Variants in NAV1 observed in about 807,000 individuals in gnomAD.
The protein encoded by NAV1 is neuron navigator 1.
A neutral mutation model predicts 175.2 loss-of-function variants in NAV1; 18 were observed. That is an observed-to-expected ratio of 0.10 (90% confidence interval 0.07 to 0.15). The LOEUF (loss-of-function observed/expected upper bound fraction) is 0.15. Among genes scored for constraint, NAV1 ranks in the 10% least tolerant of loss-of-function variants. NAV1 has a pLI of 1.00. For missense variants in NAV1, 1,731 were observed against 2,436.6 expected, an observed-to-expected ratio of 0.71 and a Z score of 6.10; for synonymous variants, 897 against 978.7, an observed-to-expected ratio of 0.92 and a Z score of 1.56.
At chr1:201,644,759 C>T (rs1025850540), upstream of NAV1, among the ~76,000 whole-genome samples, 10 of 152,124 alleles carry the variant, frequency 6.6e-5, no homozygotes, top group African/African-American at 2.2e-4. Flanking sequence ...TCAAAAGAAG[C>T]AGAATTTCAG....
chr1:201,647,430 A>C (rs1669010513), upstream of NAV1, among the ~76,000 whole-genome samples: 1 of 152,222 alleles, frequency 6.6e-6, no homozygotes, highest in South Asian at 2.1e-4. Flanking sequence ...ACAGGCCTTT[A>C]CAGTTCCAAA....
At chr1:201,641,546 G>C (rs1388780319) in intron 2 of NAV1, among the ~76,000 whole-genome samples, 7 of 152,322 alleles carry the variant, frequency 4.6e-5, no homozygotes, top group Admixed American at 4.6e-4. Flanking sequence ...TGACATGGTG[G>C]AGAAAAGGAC....
exon 1 of NAV1, chr1:201,648,386 C>A (rs1300796360): frequency 1.6e-6 from 2 of 1,227,776 alleles, no homozygotes; most frequent in Non-Finnish European, 2.0e-6. Flanking sequence ...TTTTCCCCGC[C>A]GCCCCGCCCC....
intron 1 of NAV1, among the ~76,000 whole-genome samples, chr1:201,565,657 A>G (rs1042469335): frequency 1.3e-5 from 2 of 152,230 alleles, no homozygotes; most frequent in Admixed American, 6.5e-5. Context: ...GTGAGGCAGT[A>G]TCGCTATTTG....
rs756601001 is a variant in NAV1 at position 201,694,146 on chromosome 1, G to A, written c.758-18671G>A. ...TTGGCCCGCTGTTCCCATGGCAACC[G>A]CCAGTCAGTGCTGAGCAAAGGAGGG... is the stretch of plus-strand genomic sequence containing the variant. On this transcript the variant is annotated intron_variant, in intron 1 of 29. Transcript: ENST00000367296. The surrounding 1 kb of genome is among the most constrained non-coding windows in gnomAD (Gnocchi z 4.2). Among the ~76,000 whole-genome samples, 3 of 152,206 alleles carry A rather than the reference G, an allele frequency of 2.0e-5. No individual in the cohort carries two copies. Among genetic ancestry groups the A allele is most frequent in the Admixed American group, 6.5e-5 (1 of 15,286 alleles).
upstream of NAV1, among the ~76,000 whole-genome samples, chr1:201,645,871 G>T (rs73084586): frequency 3.6e-3 from 549 of 152,326 alleles, 2 homozygotes; most frequent in African/African-American, 0.012. Flanking sequence ...TTTAGGAAAG[G>T]TGTGGTTCTC....
At chr1:201,689,816 A>T (rs1340681128) in intron 1 of NAV1, among the ~76,000 whole-genome samples, 1 of 152,182 alleles carries the variant, frequency 6.6e-6, no homozygotes, top group African/African-American at 2.4e-5. Flanking sequence ...AAGCTCTCCT[A>T]GGGGCCTCAG....
At chr1:201,583,324 C>T (rs920105803) in intron 1 of NAV1, among the ~76,000 whole-genome samples, 1 of 152,272 alleles carries the variant, frequency 6.6e-6, no homozygotes, top group African/African-American at 2.4e-5. Context: ...CCCTGTACCC[C>T]AGCTGTGTTA....
At chr1:201,679,509 A>C (rs1670384205) in intron 1 of NAV1, among the ~76,000 whole-genome samples, 1 of 152,160 alleles carries the variant, frequency 6.6e-6, no homozygotes, top group Non-Finnish European at 1.5e-5. Flanking sequence ...CCAGTTATTG[A>C]AATGTATGGT....
In NAV1 at chr1:201,609,853, G is replaced by T. The variant is rs598229; in HGVS notation, c.-32-13000G>T. On this transcript the variant is annotated intron_variant, in intron 2 of 33. Coordinates refer to the NAV1 transcript ENST00000685211. ...GCCTGGAGGAAAGTGTATATATATA[G>T]AGAGAGAGAGGGAGGAGGGAGAGAG... Among the ~76,000 whole-genome samples, 854 of 152,074 alleles carry T rather than the reference G, an allele frequency of 5.6e-3. 5 individuals carry two copies. The highest frequency in any genetic ancestry group is 0.02 in the East Asian group (101 of 5,174).
intron 1 of NAV1, among the ~76,000 whole-genome samples, chr1:201,676,800 A>G (rs1395691285): frequency 6.6e-6 from 1 of 152,194 alleles, no homozygotes; most frequent in Non-Finnish European, 1.5e-5. Context: ...CTGGCACTCC[A>G]TACTTTTTAA....
At chr1:201,822,136 T>C (rs1235844115) in exon 30 of NAV1, 1 of 152,656 alleles carries the variant, frequency 6.6e-6, no homozygotes, top group Non-Finnish European at 1.5e-5. Context: ...TTGCTGCTAA[T>C]TCCATGAGCT....
chr1:201,602,970 G>A (rs1667567872), intron 2 of NAV1, among the ~76,000 whole-genome samples: 1 of 152,180 alleles, frequency 6.6e-6, no homozygotes, highest in African/African-American at 2.4e-5. Context: ...GGGATTTAGA[G>A]TACTGGGGGC....
chr1:201,571,409 A>G (rs1032522502), intron 1 of NAV1, among the ~76,000 whole-genome samples: 2 of 152,246 alleles, frequency 1.3e-5, no homozygotes, highest in African/African-American at 4.8e-5. Flanking sequence ...CCTTCAGGCC[A>G]GGGTAGAAGA....
chr1:201,667,937 G>A (rs138924264), intron 1 of NAV1, among the ~76,000 whole-genome samples: 30 of 152,178 alleles, frequency 2.0e-4, no homozygotes, highest in African/African-American at 5.8e-4. Context: ...CCCTCACCAC[G>A]CATCTGATGG....
chr1:201,783,828 G>T (rs753546744), exon 7 of NAV1: 1 of 1,612,484 alleles, frequency 6.2e-7, no homozygotes, highest in Admixed American at 1.7e-5. Context: ...TGGAGTGGAA[G>T]CCCCAGAGCT....
intron 1 of NAV1, among the ~76,000 whole-genome samples, chr1:201,566,106 C>G (rs569834653): frequency 2.6e-5 from 4 of 152,204 alleles, no homozygotes; most frequent in African/African-American, 9.6e-5. Flanking sequence ...GGGCCTCCCC[C>G]ACACTCTGCC....
At chr1:201,629,665 C>A in intron 2 of NAV1, 158 bp downstream of exon 4, 1 of 420,382 alleles carries the variant, frequency 2.4e-6, no homozygotes. Context: ...ATGCTTGACT[C>A]AACCCAGGGT....
At chr1:201,540,456 C>A (rs928053434) in intron 1 of NAV1, among the ~76,000 whole-genome samples, 10 of 152,222 alleles carry the variant, frequency 6.6e-5, no homozygotes, top group African/African-American at 2.4e-4. Context: ...CATCTGTGGG[C>A]TAGCTCTTGT....
Sources: allele counts gnomAD v4.1 joint callset (sites outside exome capture counted in the v4.1 genomes callset), GRCh38; gene constraint gnomAD v4.1.1; non-coding constraint Gnocchi (gnomAD v3.1); transcripts MANE v1.5; gene names NCBI Gene and HGNC (gene_info 2026-07-23, HGNC 2026-07-21).